Variants in CUBN observed in about 807,000 individuals in gnomAD.
CUBN encodes the protein cubilin.
Under a neutral mutation model 405.3 loss-of-function variants are expected in CUBN, and 282 were observed. The ratio of observed to expected loss-of-function variants is 0.70; its 90% CI spans 0.63 to 0.77. The LOEUF (loss-of-function observed/expected upper bound fraction) is 0.77, where lower values mean the gene tolerates loss of function less well. Among genes scored for constraint, CUBN ranks in the 30% least tolerant of loss-of-function variants. The probability of loss-of-function intolerance (pLI) is 0.00; values close to 1 mark genes in which losing one functional copy is unlikely to be tolerated. For synonymous variants in CUBN, 1,684 were observed against 1,617.0 expected, an observed-to-expected ratio of 1.04 and a Z score of -0.99; for missense variants, 4,514 against 4,475.2, an observed-to-expected ratio of 1.01 and a Z score of -0.25.
At chr10:17,024,440 T>C (rs765465841) in intron 27 of CUBN, among the ~76,000 whole-genome samples, 1 of 152,328 alleles carries the variant, frequency 6.6e-6, no homozygotes, top group East Asian at 1.9e-4. Context: ...CTGTAATAAA[T>C]TAAAATTACA....
chr10:17,049,855 T>C (rs1003387357), intron 22 of CUBN, among the ~76,000 whole-genome samples: 3 of 152,176 alleles, frequency 2.0e-5, no homozygotes, highest in African/African-American at 7.2e-5. Flanking sequence ...AAATAGCAAT[T>C]TGAACCCCAA....
intron 3 of CUBN, among the ~76,000 whole-genome samples, chr10:17,127,093 T>A (rs1837210156): frequency 6.6e-6 from 1 of 152,098 alleles, no homozygotes; most frequent in African/African-American, 2.4e-5. Flanking sequence ...TTCATAAATG[T>A]CAGTGATGCA....
chr10:16,881,248 G>A (rs1179702863), intron 56 of CUBN, among the ~76,000 whole-genome samples: 2 of 152,228 alleles, frequency 1.3e-5, no homozygotes, highest in East Asian at 1.9e-4. Flanking sequence ...AGGTATTAAA[G>A]AGTTAGTTGT....
chr10:16,931,465 A>G lies in CUBN; in HGVS notation c.6124+1622T>C, dbSNP rs907934423. The stretch of plus-strand genomic sequence containing the variant: ...AAAGGAATCCATACGGAAAGGCCGC[A>G]TAACCACTTTAAAACATTTGTGTTG... On this transcript the variant is annotated intron_variant, in intron 40 of 66. Coordinates refer to ENST00000377833, the MANE Select transcript of CUBN (RefSeq NM_001081.4). Among the ~76,000 whole-genome samples, 3 of 152,344 alleles carry G rather than the reference A, an allele frequency of 2.0e-5. 1 individual carries two copies. The highest frequency in any genetic ancestry group is 6.8e-3 in the Middle Eastern group (2 of 294).
chr10:16,928,117 A>G, intron 41 of CUBN, 40 bp downstream of exon 41: 1 of 1,598,908 alleles, frequency 6.3e-7, no homozygotes, highest in Non-Finnish European at 8.6e-7. Context: ...AAGAGAGGAG[A>G]TGAGATAACA....
chr10:16,991,843 G>A (rs1034845839), intron 28 of CUBN, among the ~76,000 whole-genome samples: 1 of 152,098 alleles, frequency 6.6e-6, no homozygotes. Flanking sequence ...CAATTCCTCA[G>A]GGATCTAGAA....
In CUBN at chr10:17,046,022, A is replaced by T. The variant is rs1217826176; in HGVS notation, c.3402T>A (p.Ser1134=). The T allele has an allele frequency of 6.2e-7, 1 of 1,613,052 alleles. No homozygotes were observed. The highest frequency in any genetic ancestry group is 1.3e-5 in the African/African-American group (1 of 74,898). ...YGSNLPPTII[S]HSNKLWLKFK... is the part of the protein sequence containing the mutation. ...ATTTTAACCATAGTTTGTTACTATG[A>T]GAGATGATTGTTGGGGGTAGATTTG... Residue 1134 remains serine (S), a synonymous_variant, in exon 24 of 67, where the codon TCT becomes TCA. Coordinates refer to ENST00000377833, the MANE Select transcript of CUBN (RefSeq NM_001081.4).
chr10:16,979,343 C>G (rs999648888), intron 31 of CUBN, among the ~76,000 whole-genome samples: 12 of 151,968 alleles, frequency 7.9e-5, no homozygotes, highest in Admixed American at 2.0e-4. Flanking sequence ...AAAAAAAACT[C>G]TAAATTTCAT....
intron 48 of CUBN, 55 bp downstream of exon 48, chr10:16,913,756 C>G (rs1387030882): frequency 2.5e-6 from 4 of 1,600,728 alleles, no homozygotes; most frequent in African/African-American, 2.7e-5. Context: ...ATTTATGGGT[C>G]GGTAAACTCT....
Position 16,888,397 on chromosome 10 carries a change from T to G in CUBN, c.8905+20A>C. On this transcript the variant is annotated intron_variant, in intron 56 of 66. Transcript: ENST00000377833. ...TTTGTTTGTCAATTAAACGTAATTT[T>G]TTTAAAAGAATAAACTTACCTTCTA... 6.2e-7 allele frequency: 1 copy of G among 1,602,748 alleles called. No individual in the cohort carries two copies. Among genetic ancestry groups the G allele is most frequent in the Admixed American group, 1.7e-5 (1 of 59,862 alleles).
At chr10:16,886,829 C>G (rs780848) in intron 56 of CUBN, among the ~76,000 whole-genome samples, 113,002 of 152,176 alleles carry the variant, frequency 0.74, 42,343 homozygotes, top group East Asian at 0.84. Context: ...GCTCTTGTCG[C>G]CCAGGCTGGA....
Position 16,940,254 on chromosome 10 carries a change from A to AG in CUBN, c.5343-18_5343-17insC, listed in dbSNP as rs1346888841. 6.2e-7 allele frequency: 1 copy of AG among 1,607,876 alleles called. No homozygotes were observed. The highest frequency in any genetic ancestry group is 1.3e-5 in the African/African-American group (1 of 74,782). On this transcript the variant is annotated splice_polypyrimidine_tract_variant and intron_variant, in intron 36 of 66. Coordinates refer to ENST00000377833, the MANE Select transcript of CUBN (RefSeq NM_001081.4). ...TGGAAAGATCTGATTTGGGGAAAAA[A>AG]ATATTTAAAGGGATTAAATTGAGAG...
intron 14 of CUBN, among the ~76,000 whole-genome samples, chr10:17,093,304 G>A (rs761221626): frequency 6.6e-6 from 1 of 152,156 alleles, no homozygotes; most frequent in Non-Finnish European, 1.5e-5. Flanking sequence ...TCGGAGGGGA[G>A]GGAAGTTGCT....
chr10:17,062,352 A>T (rs78222300), intron 22 of CUBN, among the ~76,000 whole-genome samples: 4,114 of 152,314 alleles, frequency 0.027, 72 homozygotes, highest in East Asian at 0.066. Flanking sequence ...TCTTAGCAGG[A>T]TTATATATTA....
intron 59 of CUBN, among the ~76,000 whole-genome samples, chr10:16,867,590 T>C (rs17139378): frequency 0.28 from 42,304 of 152,090 alleles, 6,457 homozygotes; most frequent in East Asian, 0.58. Flanking sequence ...ATGGCATTTA[T>C]GCAGATGAAA....
chr10:16,842,235 G>C (rs1317300533), intron 60 of CUBN, among the ~76,000 whole-genome samples: 2 of 151,752 alleles, frequency 1.3e-5, no homozygotes, highest in South Asian at 4.2e-4. Flanking sequence ...TTAGAGATGG[G>C]GTCTTCCTAT....
intron 60 of CUBN, among the ~76,000 whole-genome samples, chr10:16,842,497 A>T (rs1285136454): frequency 1.3e-5 from 2 of 152,260 alleles, no homozygotes; most frequent in Non-Finnish European, 2.9e-5. Context: ...CTACAACTTT[A>T]GTCATCTCTG....
intron 63 of CUBN, among the ~76,000 whole-genome samples, chr10:16,835,868 T>C (rs150395521): frequency 0.011 from 1,708 of 152,242 alleles, 32 homozygotes; most frequent in African/African-American, 0.039. Context: ...ATATGAGAAT[T>C]ATATTTTGAT....
At chr10:17,044,722 AC>A (rs1835085032) in intron 25 of CUBN, among the ~76,000 whole-genome samples, 2 of 152,180 alleles carry the variant, frequency 1.3e-5, no homozygotes, top group South Asian at 4.1e-4. Context: ...ATGTGGAAAA[AC>A]ATAAATAATG....
Sources: gnomAD v4.1 joint callset for allele counts (sites outside exome capture counted in the v4.1 genomes callset) on GRCh38, gnomAD v4.1.1 for gene constraint, MANE v1.5 for transcripts, NCBI Gene and HGNC (gene_info 2026-07-23, HGNC 2026-07-21) for gene names.